CUX2: variants seen among roughly 807,000 people sequenced by gnomAD.
CUX2 encodes the protein cut like homeobox 2.
CUX2 carries 40 observed loss-of-function variants against 144.8 expected under a neutral mutation model. That is an observed-to-expected ratio of 0.28 (90% confidence interval 0.21 to 0.36). The LOEUF is 0.36. Among genes scored for constraint, CUX2 ranks in the 10% least tolerant of loss-of-function variants. The pLI, the probability that CUX2 is intolerant of heterozygous loss-of-function variation, is 1.00. For missense variants in CUX2, 1,615 were observed against 1,994.0 expected, an observed-to-expected ratio of 0.81 and a Z score of 3.62; for synonymous variants, 827 against 875.6, an observed-to-expected ratio of 0.94 and a Z score of 0.98.
intron 1 of CUX2, among the ~76,000 whole-genome samples, chr12:111,053,508 C>T (rs922824928): frequency 6.6e-6 from 1 of 152,250 alleles, no homozygotes; most frequent in African/African-American, 2.4e-5. Flanking sequence ...CACGTACTTC[C>T]ATAGTCTCCA....
At chr12:111,211,176 G>A (rs1881206644) in intron 1 of CUX2, among the ~76,000 whole-genome samples, 1 of 152,162 alleles carries the variant, frequency 6.6e-6, no homozygotes, top group African/African-American at 2.4e-5. Context: ...AGTGAACTGT[G>A]GCAAGAATTC....
At chr12:111,274,479 G>A (rs1359834987) in intron 4 of CUX2, among the ~76,000 whole-genome samples, 2 of 152,108 alleles carry the variant, frequency 1.3e-5, no homozygotes, top group Non-Finnish European at 1.5e-5. Context: ...GCTGGTGGTG[G>A]TGGTATTATT....
At position 111,307,068 on chromosome 12, in the gene CUX2, G is replaced by A. The variant is rs375793621; in HGVS notation, c.1006G>A (p.Ala336Thr). 30 of 1,613,314 alleles carry A rather than the reference G, an allele frequency of 1.9e-5. No homozygotes were observed. The highest frequency in any genetic ancestry group is 5.0e-5 in the Admixed American group (3 of 59,970). ...GGAGGAGGCATCCGCCAACCAGATCGCCGACCTGGAGCGGCAGCTCACGGC... is the reference window on the plus strand; with the variant it reads ...GGAGGAGGCATCCGCCAACCAGATCACCGACCTGGAGCGGCAGCTCACGGC... The part of the protein sequence containing the change: ...ELEEASANQI[A>T]DLERQLTAKS... Residue 336 changes from alanine (A) to threonine (T), a missense_variant, in exon 11 of 22, where the codon GCC becomes ACC. This residue lies in a region of CUX2 where 295 missense variants were observed against 400.2 expected (regional missense o/e 0.74). Transcript: ENST00000261726. This position sits in a 1 kb window ranked among gnomAD's most constrained non-coding sequence, Gnocchi z 4.1.
At chr12:111,177,914 G>A (rs1249200457) in intron 1 of CUX2, among the ~76,000 whole-genome samples, 1 of 152,254 alleles carries the variant, frequency 6.6e-6, no homozygotes, top group African/African-American at 2.4e-5. Flanking sequence ...CATTGTTGCT[G>A]CCATTCAGAG....
intron 1 of CUX2, among the ~76,000 whole-genome samples, chr12:111,093,348 C>A (rs2136057292): frequency 6.6e-6 from 1 of 152,302 alleles, no homozygotes; most frequent in Admixed American, 6.5e-5. Flanking sequence ...GGTGTCCTAG[C>A]TTTTGCATCT....
chr12:111,205,046 T>A (rs868819191), intron 1 of CUX2, among the ~76,000 whole-genome samples: 66 of 152,308 alleles, frequency 4.3e-4, no homozygotes, highest in African/African-American at 1.4e-3. Context: ...ATCTGAAATT[T>A]ACATACGGCG....
At chr12:111,324,119 G>A (rs4545619) in intron 18 of CUX2, among the ~76,000 whole-genome samples, 40,486 of 151,958 alleles carry the variant, frequency 0.27, 7,852 homozygotes, top group East Asian at 0.78. Context: ...GGGAGGCCAA[G>A]GCGGGCGGAT....
intron 1 of CUX2, among the ~76,000 whole-genome samples, chr12:111,158,302 A>G (rs1006466894): frequency 1.3e-5 from 2 of 152,070 alleles, no homozygotes; most frequent in East Asian, 1.9e-4. Context: ...TTTTCTGTCA[A>G]TCCCCATCTT....
rs569476975 is a variant in CUX2 at position 111,100,078 on chromosome 12, G to C, written c.63+65838G>C. ...GGGCTGTGTCTGGACACTTCTGGGA[G>C]CCTTGGACGGCTCTGGAGAGGAGGC... On this transcript the variant is annotated intron_variant, in intron 1 of 21. Coordinates refer to ENST00000261726, the MANE Select transcript of CUX2 (RefSeq NM_015267.4). The C allele has an allele frequency of 6.6e-6, 3 of 456,766 alleles. No homozygotes were observed. The East Asian group carries it at 2.1e-4, about 32-fold the overall frequency. The allele number at this position is 456,766 out of a possible 1,614,324, so 28.3% of individuals were successfully genotyped here.
Position 111,322,101 on chromosome 12 carries a change from TG to T in CUX2, c.2767-319del. Among the ~76,000 whole-genome samples, 1 of 151,962 alleles carries T rather than the reference TG, an allele frequency of 6.6e-6. No homozygotes were observed. Among genetic ancestry groups the T allele is most frequent in the South Asian group, 2.1e-4 (1 of 4,814 alleles). ...GGGAGGCTGAGTTGGGTGGATCACT[TG>T]AGGTCAGGAGTTCGAAACCAGCCTG... is the stretch of plus-strand genomic sequence containing the variant. On this transcript the variant is annotated intron_variant, in intron 17 of 21. Transcript: ENST00000261726. The surrounding 1 kb of genome is among the most constrained non-coding windows in gnomAD (Gnocchi z 4.2).
chr12:111,157,080 G>A lies in CUX2; in HGVS notation c.64-57120G>A, dbSNP rs79551017. 4.1e-3 allele frequency among the ~76,000 whole-genome samples: 621 copies of A among 150,664 alleles called. 3 individuals are homozygous for A. Among genetic ancestry groups the A allele is most frequent in the African/African-American group, 0.015 (602 of 40,794 alleles). On this transcript the variant is annotated intron_variant, in intron 1 of 21. Coordinates refer to ENST00000261726, the MANE Select transcript of CUX2 (RefSeq NM_015267.4). Reference sequence around the variant, plus strand: ...ATGAAAGAAAATAAGCTGATCAAGGGGGCTACACTGATTTTTTTGCACACT... The same window carrying A: ...ATGAAAGAAAATAAGCTGATCAAGGAGGCTACACTGATTTTTTTGCACACT...
chr12:111,045,267 C>T (rs1869943353), intron 1 of CUX2, among the ~76,000 whole-genome samples: 1 of 152,122 alleles, frequency 6.6e-6, no homozygotes, highest in African/African-American at 2.4e-5. Flanking sequence ...ACCCATCTTT[C>T]CTTCTTTGGC....
At chr12:111,115,279 CTTTTTTTTTTTTT>C in intron 1 of CUX2, among the ~76,000 whole-genome samples, 1 of 88,762 alleles carries the variant, frequency 1.1e-5, no homozygotes, top group African/African-American at 4.2e-5. Flanking sequence ...AATAAAATTT[CTTTTTTTTTTTTT>C]TTTTTTTTTT....
In CUX2 at chr12:111,287,119, G is replaced by A. The variant is rs1261183958; in HGVS notation, c.302-4299G>A. ...CTCTCTGGGGAGCCACCTGAGGCCA[G>A]CCTCCCCAAGACAGAGCACACAGCC... On this transcript the variant is annotated intron_variant, in intron 4 of 21. Coordinates refer to ENST00000261726, the MANE Select transcript of CUX2 (RefSeq NM_015267.4). The surrounding 1 kb of genome is among the most constrained non-coding windows in gnomAD (Gnocchi z 4.2). Among the ~76,000 whole-genome samples the A allele has an allele frequency of 6.6e-6, 1 of 152,230 alleles. No homozygotes were observed. Among genetic ancestry groups the A allele is most frequent in the Non-Finnish European group, 1.5e-5 (1 of 68,036 alleles).
rs1869323190 is a variant in CUX2, at chr12:111,034,581, C to G, written c.63+341C>G. On this transcript the variant is annotated intron_variant, in intron 1 of 21. Transcript: ENST00000261726. The surrounding 1 kb of genome is among the most constrained non-coding windows in gnomAD (Gnocchi z 4.2). ...GCAGGGGGCTGCTGGCGGGAACCCC[C>G]GGCGGTCCCCCCTGAGCCGCACTTT... is the stretch of plus-strand genomic sequence containing the variant. Among the ~76,000 whole-genome samples the G allele has an allele frequency of 6.6e-6, 1 of 151,234 alleles. No homozygotes were observed. Among genetic ancestry groups the G allele is most frequent in the South Asian group, 2.1e-4 (1 of 4,834 alleles).
intron 3 of CUX2, among the ~76,000 whole-genome samples, chr12:111,242,593 C>G (rs1469287555): frequency 6.6e-6 from 1 of 152,150 alleles, no homozygotes; most frequent in Non-Finnish European, 1.5e-5. Flanking sequence ...GTGGGCAGAT[C>G]ACCTTAGGTC....
At chr12:111,066,206 A>C (rs1871012284) in intron 1 of CUX2, among the ~76,000 whole-genome samples, 3 of 152,160 alleles carry the variant, frequency 2.0e-5, no homozygotes, top group African/African-American at 7.2e-5. Flanking sequence ...AGTCTGAGTG[A>C]GTTCCCTCTT....
chr12:111,230,359 A>G (rs1451158930), intron 3 of CUX2, among the ~76,000 whole-genome samples: 1 of 152,130 alleles, frequency 6.6e-6, no homozygotes, highest in Admixed American at 6.5e-5. Flanking sequence ...AGAATCTTTC[A>G]CTATTCAGTG....
intron 1 of CUX2, among the ~76,000 whole-genome samples, chr12:111,205,979 A>G (rs1177835072): frequency 1.3e-5 from 2 of 152,238 alleles, no homozygotes; most frequent in African/African-American, 2.4e-5. Flanking sequence ...TTAGTAAAGA[A>G]GTAAAATACA....
Sources: allele counts gnomAD v4.1 joint callset (sites outside exome capture counted in the v4.1 genomes callset), GRCh38; gene constraint gnomAD v4.1.1; regional missense constraint gnomAD v4.1.1; non-coding constraint Gnocchi (gnomAD v3.1); transcripts MANE v1.5; gene names NCBI Gene and HGNC (gene_info 2026-07-23, HGNC 2026-07-21).